SDK2: variants seen among roughly 807,000 people sequenced by gnomAD.
SDK2 encodes the protein protein sidekick-2.
Under a neutral mutation model 253.9 loss-of-function variants are expected in SDK2, and 105 were observed. That is an observed-to-expected ratio of 0.41 (90% CI 0.35 to 0.49). The LOEUF is 0.49. Ranked by LOEUF, SDK2 falls within the 20% of genes least tolerant of loss-of-function variation. The pLI is 0.06. For synonymous variants in SDK2, 1,249 were observed against 1,234.9 expected (o/e 1.01, Z -0.24); for missense variants, 2,608 against 3,003.0 (o/e 0.87, Z 3.07).
intron 3 of SDK2, among the ~76,000 whole-genome samples, chr17:73,469,891 A>T (rs2063631696): frequency 6.6e-6 from 1 of 151,992 alleles, no homozygotes; most frequent in African/African-American, 2.4e-5. Context: ...GAAAGTTTCT[A>T]CTGTCTCCTA....
rs577335730 is a variant in SDK2, at chr17:73,399,243, G to A, written c.3018C>T (p.Pro1006=). ...PTNLGISNIG[P]RSVTLQFRPG... ...GCCTGAACTGCAAGGTCACAGAGCG[G>A]GGGCCGATGTTGGAAATGCCCAGGT... Residue 1006 remains proline, a synonymous_variant, in exon 22 of 45, where the codon CCC becomes CCT. Transcript: ENST00000392650. 5.5e-5 allele frequency: 89 copies of A among 1,613,918 alleles called. 1 individual carries two copies. The South Asian group carries it at 9.2e-4, about 17-fold the overall frequency.
chr17:73,398,476 A>G (rs1368209037), intron 22 of SDK2, 47 bp from the exon 23 acceptor site: 27 of 1,527,226 alleles, frequency 1.8e-5, no homozygotes, highest in Non-Finnish European at 2.4e-5. Flanking sequence ...CAGGGCCCAC[A>G]CGGGGTGCTC....
rs529310838 is a variant in SDK2 at position 73,604,003 on chromosome 17, A to G, written c.64+40022T>C. ...GAACCCACCAACGTCAGCTGGCAGGAGGACAATGCCTGTCTCAGAACCCAG... is the reference window on the plus strand; with the variant it reads ...GAACCCACCAACGTCAGCTGGCAGGGGGACAATGCCTGTCTCAGAACCCAG... On this transcript the variant is annotated intron_variant, in intron 1 of 44. Transcript: ENST00000392650. Among the ~76,000 whole-genome samples the G allele has an allele frequency of 2.6e-5, 4 of 152,368 alleles. No individual in the cohort carries two copies. In the South Asian group the frequency reaches 8.3e-4, roughly 32 times the overall value.
chr17:73,414,706 T>C lies in SDK2; in HGVS notation c.2422A>G (p.Ile808Val). 1 of 1,613,852 alleles carries C rather than the reference T, an allele frequency of 6.2e-7. No homozygotes were observed. Among genetic ancestry groups the C allele is most frequent in the Non-Finnish European group, 8.5e-7 (1 of 1,179,866 alleles). Residue 808 changes from isoleucine to valine, a missense_variant, in exon 18 of 45, where the codon ATC becomes GTC. Coordinates refer to ENST00000392650, the MANE Select transcript of SDK2 (RefSeq NM_001144952.2). ...CTGGGGGCGTTCCAGGTGAAGCGGATGGTCGTGGAATTGGTGGCTTCCGCG... is the reference window on the plus strand; with the variant it reads ...CTGGGGGCGTTCCAGGTGAAGCGGACGGTCGTGGAATTGGTGGCTTCCGCG... ...VHAEATNSTT[I>V]RFTWNAPSPQ...
chr17:73,561,495 G>A (rs947615829), intron 1 of SDK2, among the ~76,000 whole-genome samples: 1 of 152,208 alleles, frequency 6.6e-6, no homozygotes, highest in African/African-American at 2.4e-5. Context: ...GCAGTCAGCC[G>A]CCTTCTTCAG....
At chr17:73,599,666 T>G (rs545001589) in intron 1 of SDK2, among the ~76,000 whole-genome samples, 2 of 152,034 alleles carry the variant, frequency 1.3e-5, no homozygotes, top group Non-Finnish European at 2.9e-5. Flanking sequence ...GAACACACAT[T>G]AAGCCAGTTT....
chr17:73,535,281 T>C (rs2044755180), intron 1 of SDK2, among the ~76,000 whole-genome samples: 1 of 152,204 alleles, frequency 6.6e-6, no homozygotes, highest in Admixed American at 6.5e-5. Flanking sequence ...TCTGCCACTT[T>C]GTGCTGTGTG....
At chr17:73,524,216 G>A (rs2064107024) in intron 1 of SDK2, among the ~76,000 whole-genome samples, 3 of 152,312 alleles carry the variant, frequency 2.0e-5, no homozygotes, top group South Asian at 4.1e-4. Flanking sequence ...CTGTGTAGCA[G>A]GGACCCTCGG....
At chr17:73,468,638 A>G (rs540506213) in intron 3 of SDK2, among the ~76,000 whole-genome samples, 157 of 151,812 alleles carry the variant, frequency 1.0e-3, no homozygotes, top group Non-Finnish European at 1.4e-3. Context: ...CAGCCTCCCA[A>G]TTAGCTGGGA....
At chr17:73,436,116 GT>G (rs1379614648) in intron 8 of SDK2, among the ~76,000 whole-genome samples, 1 of 152,152 alleles carries the variant, frequency 6.6e-6, no homozygotes, top group Non-Finnish European at 1.5e-5. Flanking sequence ...GAACCTCCAA[GT>G]GGGGGATGCT....
rs1295251973 is a variant in SDK2, at chr17:73,618,769, C to T, written c.64+25256G>A. Among the ~76,000 whole-genome samples the T allele has an allele frequency of 1.3e-5, 2 of 152,118 alleles. No individual in the cohort carries two copies. Among genetic ancestry groups the T allele is most frequent in the African/African-American group, 2.4e-5 (1 of 41,412 alleles). ...AGGAAAGCAATGCCAGGAATAAAGGCGATGGACAGGTGGAGGGTCTGTGTC... is the reference window on the plus strand; with the variant it reads ...AGGAAAGCAATGCCAGGAATAAAGGTGATGGACAGGTGGAGGGTCTGTGTC... On this transcript the variant is annotated intron_variant, in intron 1 of 44. Coordinates refer to ENST00000392650, the MANE Select transcript of SDK2 (RefSeq NM_001144952.2). This position sits in a 1 kb window ranked among gnomAD's most constrained non-coding sequence, Gnocchi z 4.1.
rs79718876 is a variant in SDK2 at position 73,501,861 on chromosome 17, A to T, written c.224+5577T>A. Among the ~76,000 whole-genome samples, 657 of 152,336 alleles carry T rather than the reference A, an allele frequency of 4.3e-3. 6 individuals carry two copies. Among genetic ancestry groups the T allele is most frequent in the African/African-American group, 0.015 (626 of 41,582 alleles). On this transcript the variant is annotated intron_variant, in intron 2 of 44. Transcript: ENST00000392650. ...CTTACAATAATTCTCTGATGCAGGCATTACTGCGCCTGATTCCAAGAAGTG... is the reference window on the plus strand; with the variant it reads ...CTTACAATAATTCTCTGATGCAGGCTTTACTGCGCCTGATTCCAAGAAGTG...
intron 5 of SDK2, among the ~76,000 whole-genome samples, chr17:73,442,146 G>A (rs1490117223): frequency 6.6e-6 from 1 of 152,226 alleles, no homozygotes; most frequent in Non-Finnish European, 1.5e-5. Context: ...ATAAAAAGAG[G>A]AAGAGGCCAG....
chr17:73,458,775 G>A (rs1450880390), intron 3 of SDK2, among the ~76,000 whole-genome samples: 1 of 152,208 alleles, frequency 6.6e-6, no homozygotes, highest in Non-Finnish European at 1.5e-5. Context: ...GGAGGCTGAG[G>A]CAGGCGGATC....
At chr17:73,514,623 G>A (rs1467399435) in intron 1 of SDK2, among the ~76,000 whole-genome samples, 3 of 152,196 alleles carry the variant, frequency 2.0e-5, no homozygotes, top group Non-Finnish European at 4.4e-5. Context: ...ATGTCCATCT[G>A]CCCTCCAGAA....
intron 36 of SDK2, among the ~76,000 whole-genome samples, chr17:73,376,119 G>A (rs1249033711): frequency 6.6e-6 from 1 of 151,840 alleles, no homozygotes; most frequent in African/African-American, 2.4e-5. Flanking sequence ...GCTTGAACCT[G>A]GGAGGTGGGG....
rs115356350 is a variant in SDK2 at position 73,376,357 on chromosome 17, G to A, written c.4980+2820C>T. ...CACACAATAACTGCTCAATAAACACGTGTCATTGACCAACTGAAAGACTGG... is the reference window on the plus strand; with the variant it reads ...CACACAATAACTGCTCAATAAACACATGTCATTGACCAACTGAAAGACTGG... On this transcript the variant is annotated intron_variant, in intron 36 of 44. Coordinates refer to ENST00000392650, the MANE Select transcript of SDK2 (RefSeq NM_001144952.2). Among the ~76,000 whole-genome samples the A allele has an allele frequency of 2.1e-3, 275 of 133,580 alleles. 3 individuals are homozygous for A. The highest frequency in any genetic ancestry group is 8.3e-3 in the African/African-American group (263 of 31,592). The allele number at this position is 133,580 out of a possible 152,430, so 87.6% of individuals were successfully genotyped here. A position where few individuals can be genotyped will look rare whatever the true frequency, so the allele number is the denominator to read the frequency against.
chr17:73,476,769 T>C (rs2063689075), intron 2 of SDK2, among the ~76,000 whole-genome samples: 1 of 152,188 alleles, frequency 6.6e-6, no homozygotes, highest in Admixed American at 6.5e-5. Flanking sequence ...GTCTATTTGC[T>C]TCAGCCAGGA....
intron 25 of SDK2, 36 bp from the exon 26 acceptor site, chr17:73,394,360 G>C (rs1210016424): frequency 7.1e-7 from 1 of 1,418,434 alleles, no homozygotes; most frequent in Admixed American, 2.1e-5. Context: ...AGGCACTCAG[G>C]ACCCAACGTT....
Sources: allele counts gnomAD v4.1 joint callset (sites outside exome capture counted in the v4.1 genomes callset), GRCh38; gene constraint gnomAD v4.1.1; non-coding constraint Gnocchi (gnomAD v3.1); transcripts MANE v1.5; gene names NCBI Gene and HGNC (gene_info 2026-07-23, HGNC 2026-07-21).